The following SYT16 variants were observed in gnomAD, a reference collection of about 807,000 sequenced individuals.
SYT16 encodes the protein synaptotagmin 16.
Under a neutral mutation model 61.4 loss-of-function variants are expected in SYT16, and 42 were observed. That is an observed-to-expected ratio of 0.68 (90% CI 0.53 to 0.89). SYT16 has a LOEUF of 0.89. Ranked by LOEUF, SYT16 falls within the 40% of genes least tolerant of loss-of-function variation. The probability of loss-of-function intolerance (pLI) is 0.00; values close to 1 mark genes in which losing one functional copy is unlikely to be tolerated. For missense variants in SYT16, 804 were observed against 807.3 expected (o/e 1.00, Z 0.05); for synonymous variants, 314 against 302.3 (o/e 1.04, Z -0.40).
At chr14:61,993,045 A>G (rs1393036882) in intron 2 of SYT16, among the ~76,000 whole-genome samples, 3 of 151,890 alleles carry the variant, frequency 2.0e-5, no homozygotes, top group Non-Finnish European at 4.4e-5. Flanking sequence ...TTTGATGAAC[A>G]GAGATTATAG....
chr14:61,838,919 G>C (rs903207740), intron 1 of SYT16, among the ~76,000 whole-genome samples: 7 of 152,056 alleles, frequency 4.6e-5, no homozygotes, highest in African/African-American at 1.7e-4. Context: ...CTCTTTACTT[G>C]GGCCATCCCT....
intron 2 of SYT16, among the ~76,000 whole-genome samples, chr14:61,987,670 G>A (rs2052372003): frequency 6.6e-6 from 1 of 151,694 alleles, no homozygotes; most frequent in Non-Finnish European, 1.5e-5. Flanking sequence ...CAAATTACAA[G>A]GAAAACGATA....
intron 5 of SYT16, among the ~76,000 whole-genome samples, chr14:62,078,791 C>G (rs546234854): frequency 3.3e-5 from 5 of 152,174 alleles, no homozygotes. Flanking sequence ...TAAGCCTTGG[C>G]GGTCGACAGA....
intron 3 of SYT16, among the ~76,000 whole-genome samples, chr14:62,069,159 C>G (rs1049368024): frequency 1.3e-5 from 2 of 152,124 alleles, no homozygotes; most frequent in African/African-American, 4.8e-5. Flanking sequence ...ATTCCTTCTC[C>G]GAAGTGGGGA....
At chr14:61,825,826 TAAAAAC>T (rs1163625088) in intron 1 of SYT16, among the ~76,000 whole-genome samples, 1 of 152,192 alleles carries the variant, frequency 6.6e-6, no homozygotes, top group Non-Finnish European at 1.5e-5. Flanking sequence ...GAAAGATTAA[TAAAAAC>T]AAGTAAGATA....
chr14:61,997,134 G>A (rs1452795559), intron 3 of SYT16, among the ~76,000 whole-genome samples: 1 of 151,940 alleles, frequency 6.6e-6, no homozygotes, highest in Non-Finnish European at 1.5e-5. Context: ...GCACATATTG[G>A]GCCTTCAATA....
At chr14:62,065,932 C>T (rs1338637973) in intron 3 of SYT16, among the ~76,000 whole-genome samples, 2 of 152,210 alleles carry the variant, frequency 1.3e-5, no homozygotes, top group Non-Finnish European at 2.9e-5. Context: ...GAAATCCAGT[C>T]TCTTCTGACA....
At chr14:62,047,235 C>T (rs370448494) in intron 3 of SYT16, among the ~76,000 whole-genome samples, 5 of 152,102 alleles carry the variant, frequency 3.3e-5, no homozygotes, top group Non-Finnish European at 5.9e-5. Context: ...TCTTTGAAGC[C>T]ATTGTGAATG....
chr14:61,879,137 T>C (rs1480875464), intron 1 of SYT16, among the ~76,000 whole-genome samples: 5 of 152,138 alleles, frequency 3.3e-5, no homozygotes, highest in African/African-American at 1.2e-4. Context: ...ATACACTCAA[T>C]GTGCCTGTAA....
At chr14:61,967,144 G>T (rs2051346320) in intron 1 of SYT16, among the ~76,000 whole-genome samples, 1 of 152,130 alleles carries the variant, frequency 6.6e-6, no homozygotes, top group African/African-American at 2.4e-5. Context: ...GTTGTCCCAG[G>T]GAGTTGAAAT....
At chr14:61,946,711 T>G (rs1490445179) in intron 1 of SYT16, among the ~76,000 whole-genome samples, 1 of 152,128 alleles carries the variant, frequency 6.6e-6, no homozygotes, top group Non-Finnish European at 1.5e-5. Flanking sequence ...TCTGTTCTCT[T>G]TTTCAAAGCC....
intron 1 of SYT16, among the ~76,000 whole-genome samples, chr14:61,916,343 A>C (rs2049120474): frequency 6.6e-6 from 1 of 152,134 alleles, no homozygotes; most frequent in African/African-American, 2.4e-5. Context: ...ATAAATTTCC[A>C]TTTCACAAAT....
At chr14:62,063,834 C>A (rs765470298) in intron 3 of SYT16, among the ~76,000 whole-genome samples, 15 of 152,164 alleles carry the variant, frequency 9.9e-5, no homozygotes, top group Middle Eastern at 3.2e-3. Context: ...GTGCAAGAAG[C>A]CCACAGTAGC....
chr14:62,000,098 G>GGTTTTTT lies in SYT16; in HGVS notation c.523+3556_523+3557insGTTTTTT, dbSNP rs1566751979. Among the ~76,000 whole-genome samples, 9 of 35,516 alleles carry GGTTTTTT rather than the reference G, an allele frequency of 2.5e-4. 1 individual carries two copies. The highest frequency in any genetic ancestry group is 1.3e-3 in the African/African-American group (7 of 5,368). 23.3% of individuals were successfully genotyped at this position (35,516 alleles called of 152,430 possible). ...TTTTCTAATACTTATTTTGTCTCTC[G>GGTTTTTT]ATTTTTTTTTTTTTTTTTTTTTTTT... On this transcript the variant is annotated intron_variant, in intron 3 of 7. Transcript: ENST00000683842.
At chr14:62,042,788 A>T (rs2054789005) in intron 3 of SYT16, among the ~76,000 whole-genome samples, 1 of 152,088 alleles carries the variant, frequency 6.6e-6, no homozygotes, top group Admixed American at 6.5e-5. Context: ...ATCTTACTCC[A>T]TCTTCTCAAA....
At chr14:61,943,103 C>G (rs1282581349) in intron 1 of SYT16, among the ~76,000 whole-genome samples, 1 of 152,164 alleles carries the variant, frequency 6.6e-6, no homozygotes, top group Non-Finnish European at 1.5e-5. Flanking sequence ...ACTATAAACA[C>G]CCCTACACAA....
intron 1 of SYT16, among the ~76,000 whole-genome samples, chr14:61,820,513 G>A (rs61994395): frequency 0.011 from 1,205 of 109,974 alleles, 13 homozygotes; most frequent in Admixed American, 0.038. Context: ...ACGTAGTCTC[G>A]CTCTGTCGCC....
intron 7 of SYT16, among the ~76,000 whole-genome samples, chr14:62,095,564 G>T (rs1438654061): frequency 6.6e-6 from 1 of 151,506 alleles, no homozygotes; most frequent in African/African-American, 2.4e-5. Flanking sequence ...AAAAACAACA[G>T]AACTTTATGA....
chr14:61,838,977 A>AC (rs557197744), intron 1 of SYT16, among the ~76,000 whole-genome samples: 5 of 82,124 alleles, frequency 6.1e-5, no homozygotes, highest in Admixed American at 1.3e-4. Context: ...CCGGCCCCCC[A>AC]CCCCCCCGCC....
Sources: gnomAD v4.1 joint callset for allele counts (sites outside exome capture counted in the v4.1 genomes callset) on GRCh38, gnomAD v4.1.1 for gene constraint, MANE v1.5 for transcripts, NCBI Gene and HGNC (gene_info 2026-07-23, HGNC 2026-07-21) for gene names.